Variants in RABGAP1L observed in about 807,000 individuals in gnomAD.
RABGAP1L encodes the protein rab GTPase-activating protein 1-like.
RABGAP1L carries 63 observed loss-of-function variants against 137.7 expected under a neutral mutation model. The ratio of observed to expected loss-of-function variants is 0.46; its 90% confidence interval spans 0.37 to 0.56. RABGAP1L has a LOEUF of 0.56. Ranked by LOEUF, RABGAP1L falls within the 20% of genes least tolerant of loss-of-function variation. RABGAP1L has a pLI of 0.00. For missense variants in RABGAP1L, 1,095 were observed against 1,244.0 expected, an observed-to-expected ratio of 0.88 and a Z score of 1.80; for synonymous variants, 431 against 433.7, an observed-to-expected ratio of 0.99 and a Z score of 0.08.
intron 13 of RABGAP1L, among the ~76,000 whole-genome samples, chr1:174,589,060 C>T (rs1343464863): frequency 6.6e-6 from 1 of 152,166 alleles, no homozygotes; most frequent in Non-Finnish European, 1.5e-5. Flanking sequence ...AATTTACATT[C>T]CCACTAACAG....
chr1:174,549,881 G>A lies in RABGAP1L; in HGVS notation c.1711-87494G>A, dbSNP rs546486891. 3.9e-5 allele frequency among the ~76,000 whole-genome samples: 6 copies of A among 152,162 alleles called. No homozygotes were observed. In the South Asian group the frequency reaches 6.2e-4, roughly 16 times the overall value. ...TTGGAAATAATCTTATGACAGCTGA[G>A]AGTAAGCCAGGTGCAGTGGCATTCC... On this transcript the variant is annotated intron_variant, in intron 13 of 25. Coordinates refer to ENST00000681986, the MANE Select transcript of RABGAP1L (RefSeq NM_001366446.1).
At chr1:174,573,610 A>G (rs1057513477) in intron 13 of RABGAP1L, among the ~76,000 whole-genome samples, 1 of 152,074 alleles carries the variant, frequency 6.6e-6, no homozygotes, top group Non-Finnish European at 1.5e-5. Context: ...ATCTATTACT[A>G]TGTTATGGTA....
chr1:174,160,821 T>C (rs115067775), intron 1 of RABGAP1L, among the ~76,000 whole-genome samples: 3,580 of 152,310 alleles, frequency 0.024, 137 homozygotes, highest in African/African-American at 0.082. Context: ...CCGTAGAATA[T>C]CCATTAGTTA....
chr1:174,449,067 T>A, intron 13 of RABGAP1L: 1 of 1,614,086 alleles, frequency 6.2e-7, no homozygotes, highest in Non-Finnish European at 8.5e-7. Flanking sequence ...ATATACAGCC[T>A]CTCCAACAGC....
In RABGAP1L at chr1:174,436,819, C is replaced by A. The variant is rs140213139; in HGVS notation, c.1710+42674C>A. Among the ~76,000 whole-genome samples, 1,367 of 152,284 alleles carry A rather than the reference C, an allele frequency of 9.0e-3. 22 individuals are homozygous for A. Among genetic ancestry groups the A allele is most frequent in the African/African-American group, 0.031 (1,307 of 41,552 alleles). On this transcript the variant is annotated intron_variant, in intron 13 of 25. Coordinates refer to ENST00000681986, the MANE Select transcript of RABGAP1L (RefSeq NM_001366446.1). ...GTAGCCTAATTGGGAGGCAACCCCC[C>A]AGTAGGGGCAGACTGAAACCTCACA...
chr1:174,464,673 TC>T (rs1657092647), intron 13 of RABGAP1L, among the ~76,000 whole-genome samples: 1 of 152,158 alleles, frequency 6.6e-6, no homozygotes, highest in South Asian at 2.1e-4. Flanking sequence ...TTTTTTTTCT[TC>T]TACCTTAATC....
At chr1:174,905,060 G>A (rs954614107) in intron 19 of RABGAP1L, among the ~76,000 whole-genome samples, 3 of 152,160 alleles carry the variant, frequency 2.0e-5, no homozygotes. Context: ...TCATGCACTA[G>A]CGTCAAGGTG....
intron 19 of RABGAP1L, among the ~76,000 whole-genome samples, chr1:174,895,038 T>C (rs1656900051): frequency 6.6e-6 from 1 of 152,168 alleles, no homozygotes; most frequent in Admixed American, 6.5e-5. Context: ...ATTACAGGCG[T>C]GAGCCACCGT....
intron 13 of RABGAP1L, among the ~76,000 whole-genome samples, chr1:174,625,091 C>T (rs1672848206): frequency 1.3e-5 from 2 of 151,982 alleles, no homozygotes; most frequent in African/African-American, 4.8e-5. Flanking sequence ...CCAGGCTGGT[C>T]TTCAACTCCT....
intron 19 of RABGAP1L, among the ~76,000 whole-genome samples, chr1:174,889,571 T>C (rs1014474318): frequency 6.6e-6 from 1 of 151,972 alleles, no homozygotes; most frequent in Non-Finnish European, 1.5e-5. Flanking sequence ...TAGGTGCATG[T>C]CACCATACCT....
chr1:174,983,002 AG>A, intron 24 of RABGAP1L, 97 bp downstream of exon 24: 1 of 1,260,910 alleles, frequency 7.9e-7, no homozygotes, highest in African/African-American at 1.5e-5. Context: ...TTTGTATTAA[AG>A]GATTTATTAA....
chr1:174,802,562 G>T (rs936225175), intron 18 of RABGAP1L, among the ~76,000 whole-genome samples: 1 of 152,178 alleles, frequency 6.6e-6, no homozygotes, highest in African/African-American at 2.4e-5. Context: ...AGCTGAGATC[G>T]TGCCATTGCA....
At chr1:174,652,308 T>C (rs1412740997) in intron 14 of RABGAP1L, among the ~76,000 whole-genome samples, 3 of 152,146 alleles carry the variant, frequency 2.0e-5, no homozygotes, top group Non-Finnish European at 4.4e-5. Context: ...CTGACAATTA[T>C]GTGTCTTGGA....
Position 174,780,115 on chromosome 1 carries a change from TA to T in RABGAP1L, c.2211+27764del, listed in dbSNP as rs1167726071. Among the ~76,000 whole-genome samples, 283 of 147,384 alleles carry T rather than the reference TA, an allele frequency of 1.9e-3. 2 individuals carry two copies. Among genetic ancestry groups the T allele is most frequent in the Admixed American group, 3.9e-3 (57 of 14,696 alleles). On this transcript the variant is annotated intron_variant, in intron 18 of 25. Transcript: ENST00000681986. The stretch of plus-strand genomic sequence containing the variant: ...ATAAATAAATAAATAAATAAATAAA[TA>T]AATTAAATAAGCCCTAATTAAAATT...
At position 174,305,124 on chromosome 1, in the gene RABGAP1L, GA is replaced by G. The variant is rs1558116754; in HGVS notation, c.1463del (p.Glu488GlyfsTer30). On this transcript the variant is annotated frameshift_variant and splice_region_variant, in exon 11 of 26. Transcript: ENST00000681986. LOFTEE classifies it high-confidence loss of function. ...GTCACCCCAGGATGATGAAGCAGAA[GA>G]GGGTAAGAAGTTGGACTTACTCAGT... ...PMSPQDDEAEEESDNELSSGT... is the reference protein window; with the variant it reads ...PMSPQDDEAEXESDNELSSGT... The G allele has an allele frequency of 6.5e-7, 1 of 1,530,434 alleles. No individual in the cohort carries two copies. Among genetic ancestry groups the G allele is most frequent in the South Asian group, 1.3e-5 (1 of 76,010 alleles). 94.8% of individuals were successfully genotyped at this position (1,530,434 alleles called of 1,614,324 possible).
intron 13 of RABGAP1L, among the ~76,000 whole-genome samples, chr1:174,516,130 C>T (rs889826457): frequency 1.5e-5 from 2 of 136,896 alleles, no homozygotes; most frequent in African/African-American, 5.3e-5. Context: ...TACACACACA[C>T]ACACACACAC....
chr1:174,537,530 C>T (rs1664986493), intron 13 of RABGAP1L, among the ~76,000 whole-genome samples: 1 of 152,178 alleles, frequency 6.6e-6, no homozygotes, highest in Admixed American at 6.5e-5. Flanking sequence ...CCATCCTCTA[C>T]AGGTAATCTC....
chr1:174,291,113 G>A (rs1676559300), intron 10 of RABGAP1L, among the ~76,000 whole-genome samples: 1 of 152,052 alleles, frequency 6.6e-6, no homozygotes, highest in African/African-American at 2.4e-5. Context: ...TGCCAATAAA[G>A]GTAGTTTTCT....
Position 174,202,477 on chromosome 1 carries a change from C to T in RABGAP1L, c.-33-16648C>T, listed in dbSNP as rs139435389. On this transcript the variant is annotated intron_variant, in intron 1 of 25. Coordinates refer to ENST00000681986, the MANE Select transcript of RABGAP1L (RefSeq NM_001366446.1). ...TTGAGAAGTGTCTGTTCATATCCTT[C>T]GCCTACTTTTTGATGGGGTTGTTTG... Among the ~76,000 whole-genome samples the T allele has an allele frequency of 9.6e-3, 1,466 of 152,186 alleles. 24 individuals are homozygous for T. Among genetic ancestry groups the T allele is most frequent in the African/African-American group, 0.034 (1,397 of 41,526 alleles).
Sources: allele counts gnomAD v4.1 joint callset (sites outside exome capture counted in the v4.1 genomes callset), GRCh38; gene constraint gnomAD v4.1.1; transcripts MANE v1.5; gene names NCBI Gene and HGNC (gene_info 2026-07-23, HGNC 2026-07-21).